Variants in CDH18 observed in about 807,000 individuals in gnomAD.
CDH18 encodes cadherin 18, also known as cadherin-18.
In CDH18, 31 loss-of-function variants were observed where a neutral mutation model predicts 67.9. That is an observed-to-expected ratio of 0.46 (90% CI 0.34 to 0.62). The LOEUF (loss-of-function observed/expected upper bound fraction) is 0.62, where lower values mean the gene tolerates loss of function less well. Ranked by LOEUF, CDH18 falls within the 20% of genes least tolerant of loss-of-function variation. The pLI is 0.01. For missense variants in CDH18, 890 were observed against 975.5 expected, an observed-to-expected ratio of 0.91 and a Z score of 1.17; for synonymous variants, 362 against 347.2, an observed-to-expected ratio of 1.04 and a Z score of -0.48.
intron 1 of CDH18, among the ~76,000 whole-genome samples, chr5:20,372,003 C>T (rs1314859295): frequency 6.6e-6 from 1 of 152,166 alleles, no homozygotes; most frequent in Non-Finnish European, 1.5e-5. Flanking sequence ...ATGCCTTATC[C>T]ACTTAATGAG....
intron 2 of CDH18, among the ~76,000 whole-genome samples, chr5:19,904,377 G>T (rs1229913109): frequency 7.0e-6 from 1 of 142,838 alleles, no homozygotes; most frequent in African/African-American, 2.5e-5. Flanking sequence ...GGTGGAGAGG[G>T]GAGGGGGAGG....
chr5:20,553,000 G>A (rs910585731), intron 1 of CDH18, among the ~76,000 whole-genome samples: 6 of 152,048 alleles, frequency 3.9e-5, no homozygotes, highest in African/African-American at 1.2e-4. Context: ...TGATACGCCC[G>A]CCTGGGCCTC....
chr5:19,959,665 C>T (rs1796598111), intron 2 of CDH18, among the ~76,000 whole-genome samples: 1 of 151,972 alleles, frequency 6.6e-6, no homozygotes, highest in Non-Finnish European at 1.5e-5. Context: ...ATCTTGGAGA[C>T]AGATTTCCAG....
intron 1 of CDH18, among the ~76,000 whole-genome samples, chr5:20,559,305 A>G (rs985635080): frequency 6.6e-6 from 1 of 152,064 alleles, no homozygotes; most frequent in Admixed American, 6.6e-5. Flanking sequence ...CCTCCCCAGG[A>G]ATAATACAAG....
intron 1 of CDH18, among the ~76,000 whole-genome samples, chr5:20,548,354 T>C (rs1757452822): frequency 6.6e-6 from 1 of 151,956 alleles, no homozygotes; most frequent in Non-Finnish European, 1.5e-5. Flanking sequence ...TTATTGTATG[T>C]GTATATGTGT....
rs144548916 is a variant in CDH18, at chr5:20,545,026, A to G, written c.-580+30436T>C. ...GTTCCAAATGAAAGAAATTGGCCAG[A>G]GCAAAGGGGCTACAGAACCCATGCA... On this transcript the variant is annotated intron_variant, in intron 1 of 14. Coordinates refer to the CDH18 transcript ENST00000507958. Among the ~76,000 whole-genome samples the G allele has an allele frequency of 2.6e-5, 4 of 152,338 alleles. No homozygotes were observed. In the East Asian group the frequency reaches 7.7e-4, roughly 29 times the overall value.
intron 3 of CDH18, among the ~76,000 whole-genome samples, chr5:19,765,647 C>A (rs996146840): frequency 5.3e-5 from 8 of 152,040 alleles, no homozygotes; most frequent in African/African-American, 1.2e-4. Flanking sequence ...CCTATTGAGT[C>A]CTCGCTCTGG....
chr5:20,220,783 A>T (rs1349798686), intron 2 of CDH18, among the ~76,000 whole-genome samples: 1 of 152,088 alleles, frequency 6.6e-6, no homozygotes, highest in African/African-American at 2.4e-5. Flanking sequence ...ATAGGAAAAA[A>T]AATAATAATC....
intron 11 of CDH18, among the ~76,000 whole-genome samples, chr5:19,488,532 T>C (rs953955270): frequency 6.6e-6 from 1 of 152,122 alleles, no homozygotes; most frequent in African/African-American, 2.4e-5. Flanking sequence ...GACAAATCAA[T>C]AGGCATGGTT....
At chr5:20,018,801 T>TAATGAACCTGAGAATGTGAACTG (rs1183955999) in intron 2 of CDH18, among the ~76,000 whole-genome samples, 1 of 147,068 alleles carries the variant, frequency 6.8e-6, no homozygotes, top group African/African-American at 2.5e-5. Flanking sequence ...AAGGCATTCT[T>TAATGAACCTGAGAATGTGAACTG]TTTTTTTTTT....
At chr5:19,923,969 G>A (rs906232284) in intron 2 of CDH18, among the ~76,000 whole-genome samples, 5 of 152,174 alleles carry the variant, frequency 3.3e-5, no homozygotes, top group African/African-American at 1.2e-4. Flanking sequence ...GCTGTACTGT[G>A]TACTGAAAAG....
At chr5:20,138,425 C>G (rs767666947) in intron 2 of CDH18, among the ~76,000 whole-genome samples, 8 of 152,148 alleles carry the variant, frequency 5.3e-5, no homozygotes, top group Non-Finnish European at 8.8e-5. Context: ...TGCCCTCTCT[C>G]ACTACTCCTG....
chr5:20,463,721 G>T (rs971057900), intron 1 of CDH18, among the ~76,000 whole-genome samples: 1 of 152,134 alleles, frequency 6.6e-6, no homozygotes, highest in African/African-American at 2.4e-5. Flanking sequence ...CAGCCAAACC[G>T]TTAATACGGG....
chr5:19,818,464 C>T (rs897031407), intron 3 of CDH18, among the ~76,000 whole-genome samples: 12 of 151,744 alleles, frequency 7.9e-5, no homozygotes, highest in South Asian at 2.1e-4. Flanking sequence ...AGTTTTTACA[C>T]GATTTTTTAA....
intron 2 of CDH18, among the ~76,000 whole-genome samples, chr5:20,116,430 C>T (rs1747916737): frequency 6.6e-6 from 1 of 151,750 alleles, no homozygotes; most frequent in Non-Finnish European, 1.5e-5. Context: ...GACGGAGAAT[C>T]ACTTGAACCC....
At chr5:20,476,737 G>T (rs1334054812) in intron 1 of CDH18, among the ~76,000 whole-genome samples, 3 of 151,996 alleles carry the variant, frequency 2.0e-5, no homozygotes, top group South Asian at 2.1e-4. Context: ...TGTGTTAAAA[G>T]CTTCTATTTT....
intron 2 of CDH18, among the ~76,000 whole-genome samples, chr5:20,057,870 T>G (rs1742131184): frequency 6.6e-6 from 1 of 152,296 alleles, no homozygotes; most frequent in African/African-American, 2.4e-5. Context: ...CCACATTTAC[T>G]TAAAATGTGT....
intron 11 of CDH18, among the ~76,000 whole-genome samples, chr5:19,488,094 T>C (rs563289806): frequency 2.6e-5 from 4 of 152,260 alleles, no homozygotes; most frequent in East Asian, 1.9e-4. Flanking sequence ...ATATGTCTCA[T>C]TTTTTTGTTC....
At chr5:19,507,955 T>C (rs1196717861) in intron 10 of CDH18, among the ~76,000 whole-genome samples, 1 of 151,970 alleles carries the variant, frequency 6.6e-6, no homozygotes, top group Admixed American at 6.6e-5. Flanking sequence ...AAAATGAGGA[T>C]TTGATTATCA....
Sources: gnomAD v4.1 joint callset for allele counts (sites outside exome capture counted in the v4.1 genomes callset) on GRCh38, gnomAD v4.1.1 for gene constraint, MANE v1.5 for transcripts, NCBI Gene and HGNC (gene_info 2026-07-23, HGNC 2026-07-21) for gene names.